Variants in GET1 observed in about 807,000 individuals in gnomAD.
GET1 encodes guided entry of tail-anchored proteins factor 1.
In GET1, 20 loss-of-function variants were observed where a neutral mutation model predicts 22.6. That is an observed-to-expected ratio of 0.89 (90% CI 0.62 to 1.29). GET1 has a LOEUF of 1.29. Among genes scored for constraint, GET1 ranks in the 50% most tolerant of loss-of-function variants. The probability of loss-of-function intolerance (pLI) is 0.00; values close to 1 mark genes in which losing one functional copy is unlikely to be tolerated. For missense variants in GET1, 209 were observed against 219.9 expected, an observed-to-expected ratio of 0.95 and a Z score of 0.31; for synonymous variants, 92 against 83.8, an observed-to-expected ratio of 1.10 and a Z score of -0.53.
chr21:39,410,072 C>G, downstream of GET1: 1 of 1,610,562 alleles, frequency 6.2e-7, no homozygotes, highest in Non-Finnish European at 8.5e-7. Context: ...TCTTTATGAT[C>G]GATGTTTCCT....
intron 1 of GET1, among the ~76,000 whole-genome samples, chr21:39,387,325 G>A (rs1406877441): frequency 6.6e-6 from 1 of 152,132 alleles, no homozygotes; most frequent in Admixed American, 6.5e-5. Flanking sequence ...GCTAAATAAT[G>A]TCTTGGAATC....
At chr21:39,391,904 A>G (rs1214276039) in intron 3 of GET1, 68 bp downstream of exon 3, 2 of 1,511,958 alleles carry the variant, frequency 1.3e-6, no homozygotes, top group Non-Finnish European at 9.2e-7. Flanking sequence ...CCGTGTCTGC[A>G]GATCCAGGGC....
At chr21:39,391,737 G>T in intron 2 of GET1, 32 bp from the exon 3 acceptor site, 1 of 1,605,392 alleles carries the variant, frequency 6.2e-7, no homozygotes, top group South Asian at 1.1e-5. Context: ...TTTCAGGACT[G>T]ACATAATTAT....
exon 2 of GET1, chr21:39,428,389 T>C: frequency 6.2e-7 from 1 of 1,613,220 alleles, no homozygotes; most frequent in East Asian, 2.2e-5. Flanking sequence ...AAAAATCGCC[T>C]GTGCCTGGGC....
intron 4 of GET1, 148 bp downstream of exon 4, chr21:39,393,428 GA>G: frequency 3.1e-6 from 2 of 638,606 alleles, no homozygotes; most frequent in Non-Finnish European, 5.4e-6. Context: ...GGCTTCCCAT[GA>G]AGAAACTGAG....
At chr21:39,386,849 C>CT (rs11389229) in intron 1 of GET1, among the ~76,000 whole-genome samples, 89,601 of 148,310 alleles carry the variant, frequency 0.6, 27,178 homozygotes, top group East Asian at 0.77. Context: ...TACTTTAAAA[C>CT]TTTTTTTTTT....
intron 1 of GET1, among the ~76,000 whole-genome samples, chr21:39,386,903 G>T (rs542003326): frequency 2.0e-5 from 3 of 151,132 alleles, no homozygotes; most frequent in Non-Finnish European, 4.4e-5. Flanking sequence ...GTAGTGTGGT[G>T]GTGCCATCAT....
intron 1 of GET1, among the ~76,000 whole-genome samples, chr21:39,417,472 T>C (rs961274854): frequency 5.9e-5 from 9 of 152,254 alleles, no homozygotes; most frequent in African/African-American, 2.2e-4. Context: ...TCTGCTGTTA[T>C]CCTATTACTG....
At chr21:39,423,061 T>C in intron 1 of GET1, 1 of 1,614,140 alleles carries the variant, frequency 6.2e-7, no homozygotes, top group Middle Eastern at 1.6e-4. Flanking sequence ...AAGGTTTTTG[T>C]CTTCAGAAAG....
chr21:39,390,507 C>T (rs2038228056), intron 1 of GET1, among the ~76,000 whole-genome samples, 191 bp from the exon 2 acceptor site: 2 of 152,142 alleles, frequency 1.3e-5, no homozygotes, highest in African/African-American at 4.8e-5. Flanking sequence ...CAGTGTTCTC[C>T]AGCAACAGCC....
At position 39,380,344 on chromosome 21, in the gene GET1, G is replaced by T; in HGVS notation, c.-41G>T. On this transcript the variant is annotated 5_prime_UTR_variant, in exon 1 of 5. It introduces an in-frame stop codon into an upstream open reading frame of the 5' UTR. Coordinates refer to ENST00000649170, the MANE Select transcript of GET1 (RefSeq NM_004627.6). The stretch of plus-strand genomic sequence containing the variant: ...CGCCGCTGTTGTTGTGGTCCCCATG[G>T]AGCTGCCGTAGCGGACCCAGCACAG... 1 of 1,564,756 alleles carries T rather than the reference G, an allele frequency of 6.4e-7. No individual in the cohort carries two copies.
intron 1 of GET1, among the ~76,000 whole-genome samples, chr21:39,385,004 GTC>G (rs1285607068): frequency 6.6e-6 from 1 of 152,172 alleles, no homozygotes; most frequent in Non-Finnish European, 1.5e-5. Flanking sequence ...TGTGGTGAGA[GTC>G]TGTGAAAAGC....
Position 39,380,580 on chromosome 21 carries a change from C to T in GET1, c.102+94C>T, listed in dbSNP as rs2037492218. The stretch of plus-strand genomic sequence containing the variant: ...AGGTACAGGGGTCTCAACTGGGCGA[C>T]TGAAGGCCGTAGTAGCGTCTTGGTT... On this transcript the variant is annotated intron_variant, in intron 1 of 4. Coordinates refer to ENST00000649170, the MANE Select transcript of GET1 (RefSeq NM_004627.6). 5 of 1,531,140 alleles carry T rather than the reference C, an allele frequency of 3.3e-6. No individual in the cohort carries two copies. In the East Asian group the frequency reaches 7.3e-5, roughly 22 times the overall value. 94.8% of individuals were successfully genotyped at this position (1,531,140 alleles called of 1,614,324 possible). A position where few individuals can be genotyped will look rare whatever the true frequency, so the allele number is the denominator to read the frequency against.
At chr21:39,419,917 A>T (rs2041997462) in intron 1 of GET1, among the ~76,000 whole-genome samples, 1 of 152,222 alleles carries the variant, frequency 6.6e-6, no homozygotes, top group Admixed American at 6.5e-5. Flanking sequence ...AAAGCAGTAT[A>T]CATATTTTTA....
At chr21:39,410,705 G>C, downstream of GET1, 1 of 389,586 alleles carries the variant, frequency 2.6e-6, no homozygotes, top group South Asian at 2.0e-5. Context: ...TCCTGTGGCG[G>C]AGCTCTTGAT....
At chr21:39,389,520 A>G (rs1271957440) in intron 1 of GET1, among the ~76,000 whole-genome samples, 1 of 152,110 alleles carries the variant, frequency 6.6e-6, no homozygotes, top group East Asian at 1.9e-4. Context: ...TATTTCTGTG[A>G]TCACCCTTTT....
At chr21:39,414,698 C>A (rs2040730350) in intron 1 of GET1, among the ~76,000 whole-genome samples, 1 of 149,330 alleles carries the variant, frequency 6.7e-6, no homozygotes, top group Admixed American at 6.7e-5. Flanking sequence ...AGTACTGCAT[C>A]TGTCTGGTTC....
intron 3 of GET1, 146 bp downstream of exon 3, chr21:39,391,982 A>T: frequency 5.9e-6 from 4 of 683,390 alleles, no homozygotes; most frequent in Admixed American, 5.4e-5. Context: ...AGCTCTAAAC[A>T]CTCTCGGTCT....
intron 1 of GET1, among the ~76,000 whole-genome samples, chr21:39,384,307 AGT>A (rs2037745667): frequency 6.6e-6 from 1 of 151,730 alleles, no homozygotes; most frequent in African/African-American, 2.4e-5. Context: ...CCGAGGCTGG[AGT>A]GCAGTGGCGC....
Sources: gnomAD v4.1 joint callset for allele counts (sites outside exome capture counted in the v4.1 genomes callset) on GRCh38, gnomAD v4.1.1 for gene constraint, MANE v1.5 for transcripts, NCBI Gene and HGNC (gene_info 2026-07-23, HGNC 2026-07-21) for gene names.